SDK1: variants seen among roughly 807,000 people sequenced by gnomAD.
SDK1 encodes the protein sidekick cell adhesion molecule 1.
SDK1 carries 157 observed loss-of-function variants against 245.5 expected under a neutral mutation model. The ratio of observed to expected loss-of-function variants is 0.64; its 90% CI spans 0.56 to 0.73. The LOEUF is 0.73. Among genes scored for constraint, SDK1 ranks in the 30% least tolerant of loss-of-function variants. The pLI is 0.00. For missense variants in SDK1, 3,583 were observed against 3,002.3 expected (o/e 1.19, Z -4.52); for synonymous variants, 1,647 against 1,278.5 (o/e 1.29, Z -6.15).
At chr7:3,814,552 C>T (rs1295509273) in intron 4 of SDK1, among the ~76,000 whole-genome samples, 3 of 151,678 alleles carry the variant, frequency 2.0e-5, no homozygotes, top group Admixed American at 1.3e-4. Flanking sequence ...AGTGTGATGC[C>T]TCCAGCTTTG....
chr7:3,443,616 G>A (rs1037939782), intron 1 of SDK1, among the ~76,000 whole-genome samples: 4 of 152,238 alleles, frequency 2.6e-5, no homozygotes, highest in Non-Finnish European at 5.9e-5. Flanking sequence ...TCATACAGCC[G>A]GCATTAATTG....
rs1788596119 is a variant in SDK1 at position 4,268,336 on chromosome 7, G to A, written c.*2952G>A. 1 of 1,039,752 alleles carries A rather than the reference G, an allele frequency of 9.6e-7. No individual in the cohort carries two copies. The highest frequency in any genetic ancestry group is 1.2e-6 in the Non-Finnish European group (1 of 861,312). 64.4% of individuals were successfully genotyped at this position (1,039,752 alleles called of 1,614,324 possible). Reference sequence around the variant, plus strand: ...GAGATTCCAGGCAGGTGAGCCCAGAGAGAGCTGCCAGGCCACACCCCCTCG... The same window carrying A: ...GAGATTCCAGGCAGGTGAGCCCAGAAAGAGCTGCCAGGCCACACCCCCTCG... On this transcript the variant is annotated 3_prime_UTR_variant, in exon 45 of 45. Coordinates refer to ENST00000404826, the MANE Select transcript of SDK1 (RefSeq NM_152744.4).
At chr7:3,730,469 T>C (rs907687874) in intron 4 of SDK1, among the ~76,000 whole-genome samples, 3 of 151,996 alleles carry the variant, frequency 2.0e-5, no homozygotes, top group Admixed American at 2.0e-4. Context: ...AAATGACAGG[T>C]GGGTAGGACA....
At chr7:3,737,147 G>A (rs942127189) in intron 4 of SDK1, among the ~76,000 whole-genome samples, 1 of 152,202 alleles carries the variant, frequency 6.6e-6, no homozygotes, top group Non-Finnish European at 1.5e-5. Flanking sequence ...GCAGCCTGGT[G>A]GAGTGGCAGG....
chr7:3,808,898 C>G (rs113942677), intron 4 of SDK1, among the ~76,000 whole-genome samples: 4 of 152,254 alleles, frequency 2.6e-5, no homozygotes, highest in African/African-American at 7.2e-5. Flanking sequence ...TTATTTTCAT[C>G]TTCATTGTTG....
intron 4 of SDK1, among the ~76,000 whole-genome samples, chr7:3,687,925 T>C (rs1341236183): frequency 6.6e-6 from 1 of 152,166 alleles, no homozygotes. Context: ...TGCATGTGAA[T>C]CTGTGTTATC....
intron 1 of SDK1, among the ~76,000 whole-genome samples, chr7:3,346,108 C>T (rs531109200): frequency 1.2e-4 from 18 of 152,318 alleles, no homozygotes; most frequent in African/African-American, 4.3e-4. Context: ...TGTGATACTG[C>T]ATCCTCTTCT....
At chr7:3,899,073 A>G (rs1781695967) in intron 5 of SDK1, among the ~76,000 whole-genome samples, 1 of 152,158 alleles carries the variant, frequency 6.6e-6, no homozygotes, top group South Asian at 2.1e-4. Flanking sequence ...AGTCATGAGA[A>G]ATTTACTAAA....
chr7:3,782,665 C>A (rs1780780566), intron 4 of SDK1, among the ~76,000 whole-genome samples: 1 of 152,110 alleles, frequency 6.6e-6, no homozygotes, highest in Non-Finnish European at 1.5e-5. Context: ...ATGGTATATT[C>A]AAAGTGCTGA....
chr7:3,829,800 C>T (rs982567451), intron 5 of SDK1, among the ~76,000 whole-genome samples: 25 of 152,170 alleles, frequency 1.6e-4, no homozygotes, highest in African/African-American at 5.8e-4. Context: ...AAACCACTCC[C>T]GATCAACATT....
chr7:3,826,935 C>T (rs766527469), intron 5 of SDK1, among the ~76,000 whole-genome samples: 4 of 152,156 alleles, frequency 2.6e-5, no homozygotes, highest in Non-Finnish European at 5.9e-5. Context: ...AGACTTCACT[C>T]ACCACAACAA....
intron 4 of SDK1, among the ~76,000 whole-genome samples, chr7:3,655,472 T>A (rs867510227): frequency 1.7e-5 from 1 of 57,756 alleles, no homozygotes; most frequent in Non-Finnish European, 4.2e-5. Context: ...TATATATATA[T>A]ATATATATAT....
At chr7:3,639,160 TG>T in intron 3 of SDK1, 50 bp downstream of exon 3, 1 of 1,029,800 alleles carries the variant, frequency 9.7e-7, no homozygotes, top group Non-Finnish European at 1.5e-6. Context: ...AAAGTGTCGC[TG>T]GGGAGTCAAT....
chr7:3,965,010 C>G (rs998463974), intron 9 of SDK1, among the ~76,000 whole-genome samples: 2 of 152,194 alleles, frequency 1.3e-5, no homozygotes, highest in African/African-American at 4.8e-5. Context: ...TGAAGCCTAT[C>G]TTGCAATCGT....
chr7:4,106,845 G>A (rs909492490), intron 22 of SDK1, among the ~76,000 whole-genome samples: 1 of 151,872 alleles, frequency 6.6e-6, no homozygotes, highest in Admixed American at 6.6e-5. Flanking sequence ...CCTGACCACC[G>A]CTGACCCCGC....
At chr7:3,307,632 G>A (rs1276582444) in intron 1 of SDK1, among the ~76,000 whole-genome samples, 1 of 152,192 alleles carries the variant, frequency 6.6e-6, no homozygotes, top group Non-Finnish European at 1.5e-5. Context: ...CATTCCATCA[G>A]CCTGATACCA....
intron 1 of SDK1, among the ~76,000 whole-genome samples, chr7:3,541,460 A>G (rs1292918501): frequency 2.0e-5 from 3 of 152,138 alleles, no homozygotes; most frequent in Non-Finnish European, 2.9e-5. Context: ...TTTTCCATCC[A>G]TTCCCAACCT....
intron 1 of SDK1, among the ~76,000 whole-genome samples, chr7:3,572,834 G>T (rs1780158865): frequency 6.6e-6 from 1 of 152,014 alleles, no homozygotes; most frequent in South Asian, 2.1e-4. Flanking sequence ...AAAAATAGAG[G>T]GTGCTATTGA....
At chr7:3,407,180 C>A (rs931926827) in intron 1 of SDK1, among the ~76,000 whole-genome samples, 1 of 152,202 alleles carries the variant, frequency 6.6e-6, no homozygotes, top group Non-Finnish European at 1.5e-5. Context: ...GCTCCTCTTT[C>A]CTGCTTCGTT....
Sources: allele counts gnomAD v4.1 joint callset (sites outside exome capture counted in the v4.1 genomes callset), GRCh38; gene constraint gnomAD v4.1.1; transcripts MANE v1.5; gene names NCBI Gene and HGNC (gene_info 2026-07-23, HGNC 2026-07-21).